RAG1: variants seen among roughly 807,000 people sequenced by gnomAD.
RAG1 encodes the protein V(D)J recombination-activating protein 1.
In RAG1, 35 loss-of-function variants were observed where a neutral mutation model predicts 62.7. That is an observed-to-expected ratio of 0.56 (90% confidence interval 0.43 to 0.74). RAG1 has a LOEUF of 0.74. RAG1 is among the 30% of genes least tolerant of loss of function. RAG1 has a pLI of 0.00. For synonymous variants in RAG1, 461 were observed against 470.3 expected (o/e 0.98, Z 0.26); for missense variants, 1,169 against 1,278.6 (o/e 0.91, Z 1.31).
rs192803846 is a variant in RAG1 at position 36,526,851 on chromosome 11, C to G, written n.428+6622C>G. 8.5e-5 allele frequency among the ~76,000 whole-genome samples: 13 copies of G among 152,330 alleles called. No homozygotes were observed. In the East Asian group the frequency reaches 2.3e-3, roughly 27 times the overall value. On this transcript the variant is annotated intron_variant and non_coding_transcript_variant, in intron 2 of 2. Transcript: ENST00000529126. Reference sequence around the variant, plus strand: ...TGACCAGTGATGATGAGCATTTCTTCATATGTCTGTTGACTGCATAGATAT... The same window carrying G: ...TGACCAGTGATGATGAGCATTTCTTGATATGTCTGTTGACTGCATAGATAT...
upstream of RAG1, among the ~76,000 whole-genome samples, chr11:36,567,142 A>C (rs1287962700): frequency 6.6e-6 from 1 of 152,214 alleles, no homozygotes; most frequent in Non-Finnish European, 1.5e-5. Flanking sequence ...TGGAGTGATT[A>C]GGAACATGAG....
chr11:36,517,845 A>G (rs1285490563), intron 1 of RAG1, among the ~76,000 whole-genome samples: 2 of 152,022 alleles, frequency 1.3e-5, no homozygotes, highest in African/African-American at 2.4e-5. Context: ...TTTAAATTTT[A>G]TTATTATTAT....
At chr11:36,519,402 A>G (rs959447037) in intron 1 of RAG1, among the ~76,000 whole-genome samples, 1 of 152,240 alleles carries the variant, frequency 6.6e-6, no homozygotes, top group Non-Finnish European at 1.5e-5. Flanking sequence ...AAAGTCACTT[A>G]TATTTACTTC....
rs145772007 is a variant in RAG1, at chr11:36,575,930, G to A, written c.2626G>A (p.Glu876Lys). The change falls in exon 2 of 2, where the codon GAG (glutamate) becomes AAG (lysine). Residue 876 changes from glutamate to lysine, a missense_variant. Coordinates refer to ENST00000299440, the MANE Select transcript of RAG1 (RefSeq NM_000448.3). This position sits in a 1 kb window ranked among gnomAD's most constrained non-coding sequence, Gnocchi z 4.1. The part of the protein sequence containing the change: ...VDAVCELIPS[E>K]ERHEALRELM... The stretch of plus-strand genomic sequence containing the variant: ...TGCAGTTTGTGAGTTAATTCCTTCC[G>A]AGGAGAGGCACGAGGCTCTGAGGGA... The A allele has an allele frequency of 1.5e-4, 238 of 1,614,026 alleles. No homozygotes were observed. Among genetic ancestry groups the A allele is most frequent in the Non-Finnish European group, 1.9e-4 (222 of 1,180,052 alleles).
rs1318017328 is a variant in RAG1, at chr11:36,575,528, CA to C, written c.2228del (p.Asn743IlefsTer7). 1.2e-6 allele frequency: 2 copies of C among 1,614,104 alleles called. No homozygotes were observed. Among genetic ancestry groups the C allele is most frequent in the Admixed American group, 3.3e-5 (2 of 60,004 alleles). ...LCDATRLEASQNLVFHSITRS... is the reference protein window; with the variant it reads ...LCDATRLEASXNLVFHSITRS... ...TGATGCCACCCGTCTGGAAGCCTCT[CA>C]AAATCTTGTCTTCCACTCTATAACC... is the stretch of plus-strand genomic sequence containing the variant. On this transcript the variant is annotated frameshift_variant, in exon 2 of 2. Coordinates refer to ENST00000299440, the MANE Select transcript of RAG1 (RefSeq NM_000448.3). LOFTEE classifies it high-confidence loss of function. The surrounding 1 kb of genome is among the most constrained non-coding windows in gnomAD (Gnocchi z 4.1).
chr11:36,519,051 T>C (rs1232963613), intron 1 of RAG1, among the ~76,000 whole-genome samples: 1 of 152,238 alleles, frequency 6.6e-6, no homozygotes, highest in Non-Finnish European at 1.5e-5. Context: ...ATAAATAATG[T>C]CCTTTGAAGA....
chr11:36,574,223 A>G lies in RAG1; in HGVS notation c.919A>G (p.Asn307Asp). 4 of 1,614,174 alleles carry G rather than the reference A, an allele frequency of 2.5e-6. No individual in the cohort carries two copies. The highest frequency in any genetic ancestry group is 3.4e-6 in the Non-Finnish European group (4 of 1,180,038). Reference sequence around the variant, plus strand: ...CATTCTGGCTGACCCTGTGGAGACCAACTGTAAGCATGTCTTTTGCCGGGT... The same window carrying G: ...CATTCTGGCTGACCCTGTGGAGACCGACTGTAAGCATGTCTTTTGCCGGGT... ...EHILADPVET[N>D]CKHVFCRVCI... Residue 307 changes from asparagine to aspartate, a missense_variant, in exon 2 of 2, where the codon AAC (asparagine) becomes GAC (aspartate). Asn to Asp is a conservative substitution (Grantham distance 23). Coordinates refer to ENST00000299440, the MANE Select transcript of RAG1 (RefSeq NM_000448.3).
chr11:36,520,521 C>G (rs1229464688), intron 2 of RAG1, among the ~76,000 whole-genome samples: 1 of 152,194 alleles, frequency 6.6e-6, no homozygotes, highest in Non-Finnish European at 1.5e-5. Flanking sequence ...AGGTGTTCCA[C>G]CCGCCTCGAC....
At position 36,577,764 on chromosome 11, in the gene RAG1, G is replaced by A. The variant is rs1228459060; in HGVS notation, c.*1328G>A. The A allele has an allele frequency of 1.2e-5, 2 of 167,056 alleles. No individual in the cohort carries two copies. The highest frequency in any genetic ancestry group is 2.4e-5 in the African/African-American group (1 of 41,444). The allele number at this position is 167,056 out of a possible 1,614,324, so 10.3% of individuals were successfully genotyped here. ...TTAACACAGTCCTTTTGTCTCCAAA[G>A]CCCTTCTTCTTTCCACCACAAATTA... On this transcript the variant is annotated 3_prime_UTR_variant, in exon 2 of 2. Transcript: ENST00000299440.
At chr11:36,536,497 G>A (rs534195073), downstream of RAG1, among the ~76,000 whole-genome samples, 3 of 152,192 alleles carry the variant, frequency 2.0e-5, no homozygotes, top group East Asian at 3.9e-4. Context: ...GTAAAAAGGA[G>A]CATCTAAGAT....
intron 2 of RAG1, among the ~76,000 whole-genome samples, chr11:36,528,372 A>C (rs1336976110): frequency 2.6e-5 from 4 of 152,188 alleles, no homozygotes; most frequent in Non-Finnish European, 5.9e-5. Flanking sequence ...TGGAAACTGA[A>C]CCACCTGCTC....
intron 1 of RAG1, among the ~76,000 whole-genome samples, chr11:36,516,650 AAGTC>A (rs1860001351): frequency 6.6e-6 from 1 of 152,238 alleles, no homozygotes; most frequent in African/African-American, 2.4e-5. Context: ...ACTGAGCTAA[AAGTC>A]AGATTAATTC....
At chr11:36,527,753 A>T (rs1257843292) in intron 2 of RAG1, among the ~76,000 whole-genome samples, 1 of 151,792 alleles carries the variant, frequency 6.6e-6, no homozygotes, top group Non-Finnish European at 1.5e-5. Context: ...GTCCTCTTTT[A>T]TTTCCTTCAA....
At chr11:36,514,481 A>G (rs1859968751) in intron 1 of RAG1, among the ~76,000 whole-genome samples, 1 of 152,178 alleles carries the variant, frequency 6.6e-6, no homozygotes, top group Non-Finnish European at 1.5e-5. Context: ...GGGTTGATTC[A>G]AGTGCATTAC....
rs1265890547 is a variant in RAG1 at position 36,579,162 on chromosome 11, A to G, written c.*2726A>G. The G allele has an allele frequency of 6.0e-6, 1 of 167,076 alleles. No individual in the cohort carries two copies. Among genetic ancestry groups the G allele is most frequent in the Non-Finnish European group, 1.5e-5 (1 of 68,110 alleles). The allele number at this position is 167,076 out of a possible 1,614,324, so 10.3% of individuals were successfully genotyped here. On this transcript the variant is annotated 3_prime_UTR_variant, in exon 2 of 2. Coordinates refer to ENST00000299440, the MANE Select transcript of RAG1 (RefSeq NM_000448.3). ...TTTTTCCCACAAGATACAGAAGAAG[A>G]TAAAGATTTTTTTGGTTGAGAGTGT...
At position 36,573,291 on chromosome 11, in the gene RAG1, G is replaced by T. The variant is rs1456636731; in HGVS notation, c.-14G>T. On this transcript the variant is annotated splice_region_variant and 5_prime_UTR_variant, in exon 2 of 2. Transcript: ENST00000299440. ...TATGACTTGTTTTCATTGTTCTCAG[G>T]TACCTCAGCCAGCATGGCAGCCTCT... 6.2e-7 allele frequency: 1 copy of T among 1,614,002 alleles called. No homozygotes were observed. Among genetic ancestry groups the T allele is most frequent in the South Asian group, 1.1e-5 (1 of 91,068 alleles).
chr11:36,573,245 G>A (rs1225373255), intron 1 of RAG1, 46 bp from the exon 2 acceptor site: 2 of 1,566,764 alleles, frequency 1.3e-6, no homozygotes, highest in South Asian at 1.1e-5. Context: ...TACATCAGTG[G>A]GATATTGATA....
chr11:36,522,088 G>T (rs1244101360), intron 2 of RAG1, among the ~76,000 whole-genome samples: 1 of 152,164 alleles, frequency 6.6e-6, no homozygotes, highest in Non-Finnish European at 1.5e-5. Flanking sequence ...CCCATTTTCT[G>T]AGGAGAAATT....
chr11:36,573,677 A>C lies in RAG1; in HGVS notation c.373A>C (p.Arg125=), dbSNP rs776734747. The change falls in exon 2 of 2, where the codon AGG becomes CGG. Residue 125 remains arginine, a synonymous_variant. Coordinates refer to ENST00000299440, the MANE Select transcript of RAG1 (RefSeq NM_000448.3). ...GNSFRADEHN[R]RYPVHGPVDG... ...TTCTTTTAGAGCTGATGAGCACAAC[A>C]GGAGATATCCAGTCCATGGTCCTGT... 6.2e-7 allele frequency: 1 copy of C among 1,614,176 alleles called. No individual in the cohort carries two copies.
Sources: allele counts gnomAD v4.1 joint callset (sites outside exome capture counted in the v4.1 genomes callset), GRCh38; gene constraint gnomAD v4.1.1; non-coding constraint Gnocchi (gnomAD v3.1); transcripts MANE v1.5; gene names NCBI Gene and HGNC (gene_info 2026-07-23, HGNC 2026-07-21).